SFSWAP: variants seen among roughly 807,000 people sequenced by gnomAD.
The protein encoded by SFSWAP is splicing factor, suppressor of white-apricot homolog.
A neutral mutation model predicts 100.7 loss-of-function variants in SFSWAP; 17 were observed. The ratio of observed to expected loss-of-function variants is 0.17; its 90% CI spans 0.12 to 0.25. The LOEUF is 0.25. Ranked by LOEUF, SFSWAP falls within the 10% of genes least tolerant of loss-of-function variation. The pLI is 1.00. For synonymous variants in SFSWAP, 504 were observed against 510.1 expected, an observed-to-expected ratio of 0.99 and a Z score of 0.16; for missense variants, 1,005 against 1,262.6, an observed-to-expected ratio of 0.80 and a Z score of 3.09.
intron 7 of SFSWAP, among the ~76,000 whole-genome samples, chr12:131,740,990 T>C (rs1880570423): frequency 1.4e-5 from 2 of 140,826 alleles, no homozygotes; most frequent in African/African-American, 5.2e-5. Flanking sequence ...TTTTTTTTTT[T>C]GAGATAGAGT....
In SFSWAP at chr12:131,733,798, C is replaced by T. The variant is rs1254923816; in HGVS notation, c.1081+5370C>T. 1.3e-5 allele frequency among the ~76,000 whole-genome samples: 2 copies of T among 152,016 alleles called. No homozygotes were observed. Among genetic ancestry groups the T allele is most frequent in the Non-Finnish European group, 2.9e-5 (2 of 67,966 alleles). ...GAGGTGTGCAGAGTGTGTGTTCAGG[C>T]TTGTCTTCCTGCCGCAGCGCAGCAG... On this transcript the variant is annotated intron_variant, in intron 7 of 17. Coordinates refer to ENST00000261674, the MANE Select transcript of SFSWAP (RefSeq NM_004592.4). The surrounding 1 kb of genome is among the most constrained non-coding windows in gnomAD (Gnocchi z 5.1).
At chr12:131,729,759 C>T (rs1029164670) in intron 7 of SFSWAP, among the ~76,000 whole-genome samples, 4 of 152,162 alleles carry the variant, frequency 2.6e-5, no homozygotes, top group Admixed American at 2.0e-4. Flanking sequence ...GAGTCTGCTT[C>T]CCAGGCAGCT....
chr12:131,777,188 A>T (rs898631986), intron 13 of SFSWAP, among the ~76,000 whole-genome samples: 11 of 152,158 alleles, frequency 7.2e-5, no homozygotes, highest in African/African-American at 2.7e-4. Flanking sequence ...CATGTGCACA[A>T]CGTGCAGGTT....
chr12:131,750,028 G>A (rs957846366), intron 7 of SFSWAP, among the ~76,000 whole-genome samples: 17 of 152,230 alleles, frequency 1.1e-4, no homozygotes, highest in African/African-American at 4.1e-4. Context: ...GGGAACAGAA[G>A]CCAGGGCAAG....
In SFSWAP at chr12:131,753,292, GACC is replaced by G; in HGVS notation, c.1254_1256del (p.Thr419del). The G allele has an allele frequency of 1.2e-6, 2 of 1,612,792 alleles. No homozygotes were observed. The highest frequency in any genetic ancestry group is 1.7e-6 in the Non-Finnish European group (2 of 1,178,904). On this transcript the variant is annotated inframe_deletion, in exon 8 of 18. Transcript: ENST00000261674. ...CGACCACCGCCCCACCACCTCCTGG[GACC>G]ACACCACTACCGCCCCCAACCACAG...
chr12:131,784,893 A>C (rs1409282230), intron 14 of SFSWAP: 2 of 459,204 alleles, frequency 4.4e-6, no homozygotes, highest in African/African-American at 4.0e-5. Context: ...AAAGTTAAGA[A>C]TTTGCAGGCC....
chr12:131,762,735 C>T (rs1882781983), intron 11 of SFSWAP, among the ~76,000 whole-genome samples: 1 of 151,998 alleles, frequency 6.6e-6, no homozygotes, highest in African/African-American at 2.4e-5. Flanking sequence ...CAAGTAGCTG[C>T]GATTACAGGC....
chr12:131,761,416 G>A (rs1296924577), intron 11 of SFSWAP, among the ~76,000 whole-genome samples: 4 of 152,190 alleles, frequency 2.6e-5, no homozygotes, highest in African/African-American at 7.2e-5. Context: ...GACCATCAGT[G>A]CCTGAATGCA....
chr12:131,778,807 C>T lies in SFSWAP; in HGVS notation c.2408+477C>T, dbSNP rs116584002. On this transcript the variant is annotated intron_variant, in intron 14 of 17. Transcript: ENST00000261674. The surrounding 1 kb of genome is among the most constrained non-coding windows in gnomAD (Gnocchi z 4.2). Reference sequence around the variant, plus strand: ...TGCTGGGATTACAGGCCTAAGCCACCGCGCAGGCCTATACTTAACTTTTCA... The same window carrying T: ...TGCTGGGATTACAGGCCTAAGCCACTGCGCAGGCCTATACTTAACTTTTCA... 6.6e-5 allele frequency among the ~76,000 whole-genome samples: 10 copies of T among 152,108 alleles called. No homozygotes were observed. The highest frequency in any genetic ancestry group is 1.3e-4 in the Non-Finnish European group (9 of 68,034).
chr12:131,717,416 A>G (rs145959091), intron 3 of SFSWAP, among the ~76,000 whole-genome samples: 123 of 152,258 alleles, frequency 8.1e-4, no homozygotes, highest in African/African-American at 2.8e-3. Context: ...TAGGGGAATA[A>G]TGGGGCGGGG....
At position 131,714,982 on chromosome 12, in the gene SFSWAP, T is replaced by G; in HGVS notation, c.520+29T>G. The G allele has an allele frequency of 6.2e-7, 1 of 1,612,938 alleles. No homozygotes were observed. The highest frequency in any genetic ancestry group is 1.7e-5 in the Admixed American group (1 of 60,006). ...AGTGGGGAGCTGCCTGGACTGCTGG[T>G]GTAGGGCTACACGTGTACGCACAGG... On this transcript the variant is annotated intron_variant, in intron 3 of 17. Transcript: ENST00000261674. This position sits in a 1 kb window ranked among gnomAD's most constrained non-coding sequence, Gnocchi z 6.0.
chr12:131,733,408 A>G lies in SFSWAP; in HGVS notation c.1081+4980A>G, dbSNP rs181002269. On this transcript the variant is annotated intron_variant, in intron 7 of 17. Transcript: ENST00000261674. This position sits in a 1 kb window ranked among gnomAD's most constrained non-coding sequence, Gnocchi z 5.1. ...GCTTTGCAGGGAGCGGCAGTTTGTC[A>G]TTTGTAGGAGGAAATTTCACGATCA... 2.3e-3 allele frequency among the ~76,000 whole-genome samples: 353 copies of G among 152,172 alleles called. 1 individual carries two copies. The highest frequency in any genetic ancestry group is 8.1e-3 in the African/African-American group (335 of 41,506).
chr12:131,744,722 C>G (rs1466555915), intron 7 of SFSWAP, among the ~76,000 whole-genome samples: 1 of 152,204 alleles, frequency 6.6e-6, no homozygotes, highest in South Asian at 2.1e-4. Flanking sequence ...TACCAAATTA[C>G]TGGATTAGTC....
intron 7 of SFSWAP, among the ~76,000 whole-genome samples, chr12:131,749,627 C>T (rs1040342968): frequency 6.6e-6 from 1 of 152,170 alleles, no homozygotes. Flanking sequence ...GTGTGCGGCA[C>T]GTGTCAAGCA....
intron 7 of SFSWAP, among the ~76,000 whole-genome samples, chr12:131,729,221 A>G (rs1249893071): frequency 6.6e-6 from 1 of 152,204 alleles, no homozygotes; most frequent in African/African-American, 2.4e-5. Flanking sequence ...GGTTCACAGC[A>G]GGCCAGGCGT....
intron 14 of SFSWAP, among the ~76,000 whole-genome samples, chr12:131,781,690 C>T (rs770253910): frequency 1.6e-4 from 24 of 152,266 alleles, no homozygotes; most frequent in Admixed American, 3.9e-4. Context: ...ATCCGACCTA[C>T]GTTTAAAACA....
intron 7 of SFSWAP, among the ~76,000 whole-genome samples, chr12:131,745,905 G>A (rs1168664203): frequency 6.6e-6 from 1 of 152,236 alleles, no homozygotes; most frequent in Non-Finnish European, 1.5e-5. Flanking sequence ...GTCAGGCTGT[G>A]GGCTTCAGAG....
At chr12:131,768,523 G>A (rs567026504) in intron 13 of SFSWAP, among the ~76,000 whole-genome samples, 7 of 152,194 alleles carry the variant, frequency 4.6e-5, no homozygotes, top group Non-Finnish European at 8.8e-5. Context: ...GACGGGCAAG[G>A]AGGGGAGAAT....
At position 131,778,788 on chromosome 12, in the gene SFSWAP, G is replaced by A. The variant is rs1370815438; in HGVS notation, c.2408+458G>A. ...CCACCTTGGCCTCCCAGAGTGCTGG[G>A]ATTACAGGCCTAAGCCACCGCGCAG... On this transcript the variant is annotated intron_variant, in intron 14 of 17. Coordinates refer to ENST00000261674, the MANE Select transcript of SFSWAP (RefSeq NM_004592.4). The surrounding 1 kb of genome is among the most constrained non-coding windows in gnomAD (Gnocchi z 4.2). 6.6e-6 allele frequency among the ~76,000 whole-genome samples: 1 copy of A among 152,068 alleles called. No homozygotes were observed. Among genetic ancestry groups the A allele is most frequent in the Non-Finnish European group, 1.5e-5 (1 of 68,022 alleles).
Sources: gnomAD v4.1 joint callset for allele counts (sites outside exome capture counted in the v4.1 genomes callset) on GRCh38, gnomAD v4.1.1 for gene constraint, Gnocchi (gnomAD v3.1) non-coding constraint, MANE v1.5 for transcripts, NCBI Gene and HGNC (gene_info 2026-07-23, HGNC 2026-07-21) for gene names.